Variants in NRXN1 observed in about 807,000 individuals in gnomAD.
The protein encoded by NRXN1 is neurexin-1.
Under a neutral mutation model 150.9 loss-of-function variants are expected in NRXN1, and 39 were observed. The observed-to-expected ratio is 0.26, with a 90% confidence interval of 0.20 to 0.34. The LOEUF is 0.34. Among genes scored for constraint, NRXN1 ranks in the 10% least tolerant of loss-of-function variants. The probability of loss-of-function intolerance (pLI) is 1.00; values close to 1 mark genes in which losing one functional copy is unlikely to be tolerated. For missense variants in NRXN1, 1,815 were observed against 1,949.9 expected (o/e 0.93, Z 1.30); for synonymous variants, 924 against 757.0 (o/e 1.22, Z -3.62).
chr2:50,575,606 G>T (rs1181027253), intron 8 of NRXN1, among the ~76,000 whole-genome samples: 1 of 151,924 alleles, frequency 6.6e-6, no homozygotes, highest in Non-Finnish European at 1.5e-5. Flanking sequence ...TAGAAAACTA[G>T]CAATTTACAA....
intron 8 of NRXN1, among the ~76,000 whole-genome samples, chr2:50,584,502 A>G (rs2103701035): frequency 6.6e-6 from 1 of 152,330 alleles, no homozygotes; most frequent in Admixed American, 6.5e-5. Flanking sequence ...TATGTTTAAC[A>G]ATTTTAAAAT....
chr2:50,747,315 G>C (rs1332792720), intron 5 of NRXN1, among the ~76,000 whole-genome samples: 7 of 152,092 alleles, frequency 4.6e-5, no homozygotes, highest in Non-Finnish European at 1.0e-4. Context: ...CAGGAATGAG[G>C]AGATCAGACA....
chr2:50,360,335 C>A (rs1001205003), intron 17 of NRXN1, among the ~76,000 whole-genome samples: 3 of 152,132 alleles, frequency 2.0e-5, no homozygotes, highest in African/African-American at 7.2e-5. Flanking sequence ...AGAGTCAAGA[C>A]CAATCGGTGT....
chr2:50,075,355 G>A (rs141590315), intron 19 of NRXN1, among the ~76,000 whole-genome samples: 18 of 152,270 alleles, frequency 1.2e-4, no homozygotes, highest in Admixed American at 7.8e-4. Context: ...GACTGGGGAG[G>A]AATATTTATT....
chr2:50,922,825 A>T, intron 3 of NRXN1, 138 bp from the exon 4 acceptor site: 2 of 920,966 alleles, frequency 2.2e-6, no homozygotes, highest in South Asian at 2.8e-5. Context: ...CAAATCAAAA[A>T]GCATTCTTTC....
intron 5 of NRXN1, among the ~76,000 whole-genome samples, chr2:50,897,496 C>T (rs17039341): frequency 0.035 from 5,271 of 152,232 alleles, 189 homozygotes; most frequent in East Asian, 0.2. Flanking sequence ...ATTTAAAATG[C>T]ATTCCTTGAT....
chr2:50,585,085 C>T (rs1321171332), intron 8 of NRXN1, among the ~76,000 whole-genome samples: 1 of 152,080 alleles, frequency 6.6e-6, no homozygotes, highest in Admixed American at 6.5e-5. Flanking sequence ...AGATCCTGAG[C>T]ATTCTGATTT....
At chr2:50,315,170 C>CT (rs1031972113) in intron 17 of NRXN1, among the ~76,000 whole-genome samples, 1 of 151,708 alleles carries the variant, frequency 6.6e-6, no homozygotes, top group East Asian at 1.9e-4. Flanking sequence ...AATATGTGAG[C>CT]TTTTTTTTCC....
intron 18 of NRXN1, among the ~76,000 whole-genome samples, chr2:50,120,313 T>A (rs1703687049): frequency 6.6e-6 from 1 of 151,996 alleles, no homozygotes; most frequent in African/African-American, 2.4e-5. Context: ...AAGTTCCAAA[T>A]ACATACGTAT....
At chr2:50,590,549 GC>G (rs936773321) in intron 8 of NRXN1, among the ~76,000 whole-genome samples, 36 of 152,152 alleles carry the variant, frequency 2.4e-4, no homozygotes, top group South Asian at 2.3e-3. Flanking sequence ...TAATATGTGT[GC>G]CCCCTCTCCA....
At chr2:50,153,390 T>C (rs1351166886) in intron 18 of NRXN1, among the ~76,000 whole-genome samples, 1 of 151,198 alleles carries the variant, frequency 6.6e-6, no homozygotes, top group Non-Finnish European at 1.5e-5. Flanking sequence ...ATTCTTTATA[T>C]GTAATTTTTT....
intron 2 of NRXN1, among the ~76,000 whole-genome samples, chr2:50,984,480 C>A (rs1022646801): frequency 6.6e-6 from 1 of 151,914 alleles, no homozygotes; most frequent in Non-Finnish European, 1.5e-5. Flanking sequence ...AGACCCTTTG[C>A]CTAATATATG....
chr2:50,977,165 T>C (rs981727428), intron 2 of NRXN1, among the ~76,000 whole-genome samples: 1 of 151,900 alleles, frequency 6.6e-6, no homozygotes, highest in African/African-American at 2.4e-5. Flanking sequence ...CCATTTAAAA[T>C]ACCACATATA....
chr2:50,179,454 A>G (rs1034677933), intron 18 of NRXN1, among the ~76,000 whole-genome samples: 1 of 152,152 alleles, frequency 6.6e-6, no homozygotes, highest in Admixed American at 6.6e-5. Flanking sequence ...TTTTATGAAT[A>G]TCACATGCAA....
At chr2:50,135,812 A>C (rs889035444) in intron 18 of NRXN1, among the ~76,000 whole-genome samples, 2 of 152,220 alleles carry the variant, frequency 1.3e-5, no homozygotes, top group Non-Finnish European at 2.9e-5. Context: ...CATGTAGGAG[A>C]GAAGGATTCG....
intron 18 of NRXN1, among the ~76,000 whole-genome samples, chr2:50,167,599 G>T (rs2059766950): frequency 6.6e-6 from 1 of 150,908 alleles, no homozygotes; most frequent in Non-Finnish European, 1.5e-5. Context: ...CAATTCATGA[G>T]GAAAAAGAAC....
At chr2:50,022,861 T>C (rs1411309924) in intron 21 of NRXN1, 1 of 151,234 alleles carries the variant, frequency 6.6e-6, no homozygotes, top group African/African-American at 2.5e-5. Context: ...GTAAATTTAC[T>C]GGTTGCCAGA....
At chr2:50,326,857 A>G (rs548139811) in intron 17 of NRXN1, among the ~76,000 whole-genome samples, 198 of 152,328 alleles carry the variant, frequency 1.3e-3, no homozygotes, top group Admixed American at 2.5e-3. Context: ...AACATCAACA[A>G]TAAAATTTGG....
chr2:50,701,466 G>A (rs549505174), intron 5 of NRXN1, among the ~76,000 whole-genome samples: 135 of 152,108 alleles, frequency 8.9e-4, no homozygotes, highest in Non-Finnish European at 1.6e-3. Flanking sequence ...TCAAGGCTCA[G>A]GAAAATTAAA....
Sources: allele counts gnomAD v4.1 joint callset (sites outside exome capture counted in the v4.1 genomes callset), GRCh38; gene constraint gnomAD v4.1.1; transcripts MANE v1.5; gene names NCBI Gene and HGNC (gene_info 2026-07-23, HGNC 2026-07-21).